The following PDZD2 variants were observed in gnomAD, a reference collection of about 807,000 sequenced individuals.
PDZD2 encodes PDZ domain containing 2.
A neutral mutation model predicts 220.7 loss-of-function variants in PDZD2; 90 were observed. The observed-to-expected ratio is 0.41, with a 90% CI of 0.34 to 0.49. The LOEUF (loss-of-function observed/expected upper bound fraction) is 0.49. Ranked by LOEUF, PDZD2 falls within the 20% of genes least tolerant of loss-of-function variation. PDZD2 has a pLI of 0.28. For synonymous variants in PDZD2, 1,375 were observed against 1,450.5 expected, an observed-to-expected ratio of 0.95 and a Z score of 1.18; for missense variants, 3,174 against 3,608.5, an observed-to-expected ratio of 0.88 and a Z score of 3.08.
In PDZD2 at chr5:31,898,808, C is replaced by CTTTTTTTTTTTTT. The variant is rs35589628; in HGVS notation, c.477-84341_477-84329dup. Among the ~76,000 whole-genome samples the CTTTTTTTTTTTTT allele has an allele frequency of 6.7e-3, 820 of 123,226 alleles. 1 individual carries two copies. The highest frequency in any genetic ancestry group is 9.9e-3 in the Middle Eastern group (2 of 202). 80.8% of individuals were successfully genotyped at this position (123,226 alleles called of 152,430 possible). Reference sequence around the variant, plus strand: ...CTTAAGGATAGATGGAGCCTCTCTTCTTTTTTTTTTTTTTTTTTGTTTTTT... The same window carrying CTTTTTTTTTTTTT: ...CTTAAGGATAGATGGAGCCTCTCTTCTTTTTTTTTTTTTTTTTTTTTTTTTTTTTTTGTTTTTT... On this transcript the variant is annotated intron_variant, in intron 2 of 24. Coordinates refer to ENST00000438447, the MANE Select transcript of PDZD2 (RefSeq NM_178140.4).
At chr5:31,690,664 C>G (rs1747082803) in intron 1 of PDZD2, among the ~76,000 whole-genome samples, 1 of 152,138 alleles carries the variant, frequency 6.6e-6, no homozygotes, top group African/African-American at 2.4e-5. Flanking sequence ...CTTTGTATCT[C>G]CATGTATCCT....
At chr5:31,787,084 G>T (rs1469325529) in intron 1 of PDZD2, among the ~76,000 whole-genome samples, 1 of 152,180 alleles carries the variant, frequency 6.6e-6, no homozygotes, top group Non-Finnish European at 1.5e-5. Context: ...TATCATGGCT[G>T]CCCGATCCAT....
At chr5:31,668,125 T>C (rs1006171691) in intron 1 of PDZD2, among the ~76,000 whole-genome samples, 3 of 152,200 alleles carry the variant, frequency 2.0e-5, no homozygotes, top group African/African-American at 7.2e-5. Context: ...CCTTCCAAAG[T>C]ACTGGGATTA....
rs1739446263 is a variant in PDZD2, at chr5:32,059,251, G to C, written c.2213G>C (p.Gly738Ala). Reference protein sequence around the residue: ...EVTLNKEPRVGLGIGACCLAL... With the variant: ...EVTLNKEPRVALGIGACCLAL... Reference sequence around the variant, plus strand: ...GTGCCTCTCACAGAGCCAAGAGTTGGATTAGGCATTGGTGCCTGCTGCTTG... The same window carrying C: ...GTGCCTCTCACAGAGCCAAGAGTTGCATTAGGCATTGGTGCCTGCTGCTTG... The change falls in exon 13 of 25, where the codon GGA (glycine) becomes GCA (alanine). Residue 738 changes from glycine to alanine, a missense_variant. Around this residue, in one of 4 missense-constraint regions of PDZD2, gnomAD observed 1,861 missense variants for 2,001.0 expected, o/e 0.93. Transcript: ENST00000438447. 1 of 1,604,200 alleles carries C rather than the reference G, an allele frequency of 6.2e-7. No individual in the cohort carries two copies. The highest frequency in any genetic ancestry group is 1.1e-5 in the South Asian group (1 of 90,838).
intron 6 of PDZD2, among the ~76,000 whole-genome samples, chr5:32,019,547 G>A (rs1004011349): frequency 2.6e-5 from 4 of 152,208 alleles, no homozygotes; most frequent in African/African-American, 9.7e-5. Context: ...TTGGGGTGTG[G>A]AAGGAAAATA....
intron 2 of PDZD2, among the ~76,000 whole-genome samples, chr5:31,943,311 C>G (rs1398185011): frequency 6.6e-6 from 1 of 151,958 alleles, no homozygotes. Context: ...TTATTCTTGG[C>G]AAGAAAACTA....
chr5:31,737,125 G>T (rs1286209492), intron 1 of PDZD2, among the ~76,000 whole-genome samples: 1 of 151,746 alleles, frequency 6.6e-6, no homozygotes, highest in Non-Finnish European at 1.5e-5. Context: ...TTAGCACTGG[G>T]GTGGATGCAG....
At chr5:31,732,858 A>G (rs1749617992) in intron 1 of PDZD2, among the ~76,000 whole-genome samples, 2 of 152,044 alleles carry the variant, frequency 1.3e-5, no homozygotes, top group Admixed American at 1.3e-4. Context: ...CCTCCTGAGG[A>G]GCTGGGATTA....
chr5:32,055,579 A>G lies in PDZD2; in HGVS notation c.1900+1696A>G, dbSNP rs150102000. On this transcript the variant is annotated intron_variant, in intron 10 of 24. Coordinates refer to ENST00000438447, the MANE Select transcript of PDZD2 (RefSeq NM_178140.4). ...TATTAATATACTTCCTTCTTGAAAT[A>G]TTTAAAGTAGAATATTTTTAGTTAT... Among the ~76,000 whole-genome samples, 248 of 152,304 alleles carry G rather than the reference A, an allele frequency of 1.6e-3. 4 individuals are homozygous for G. Among genetic ancestry groups the G allele is most frequent in the Admixed American group, 0.012 (187 of 15,288 alleles).
At chr5:32,057,603 T>C in intron 10 of PDZD2, 52 bp from the exon 11 acceptor site, 1 of 1,064,340 alleles carries the variant, frequency 9.4e-7, no homozygotes, top group South Asian at 1.3e-5. Flanking sequence ...AGCAGTTAAA[T>C]TCCAGGAAAT....
intron 1 of PDZD2, among the ~76,000 whole-genome samples, chr5:31,678,019 T>G (rs1746506271): frequency 6.6e-6 from 1 of 152,204 alleles, no homozygotes; most frequent in Non-Finnish European, 1.5e-5. Flanking sequence ...GATGGTTTCA[T>G]AGGTTAAAAG....
chr5:31,914,061 G>A (rs979096813), intron 2 of PDZD2, among the ~76,000 whole-genome samples: 2 of 152,132 alleles, frequency 1.3e-5, no homozygotes, highest in South Asian at 2.1e-4. Context: ...CAACTACAGT[G>A]TGCCCCAATG....
In PDZD2 at chr5:32,000,977, G is replaced by A. The variant is rs969021394; in HGVS notation, c.1254+706G>A. On this transcript the variant is annotated intron_variant, in intron 5 of 24. Coordinates refer to ENST00000438447, the MANE Select transcript of PDZD2 (RefSeq NM_178140.4). This position sits in a 1 kb window ranked among gnomAD's most constrained non-coding sequence, Gnocchi z 4.5. The stretch of plus-strand genomic sequence containing the variant: ...CTCCGCCTCCTGTCAGATCAGCGGC[G>A]GCACTGGACTCTCATAGGAATGCGA... 2.0e-5 allele frequency among the ~76,000 whole-genome samples: 3 copies of A among 152,208 alleles called. No individual in the cohort carries two copies. The highest frequency in any genetic ancestry group is 4.8e-5 in the African/African-American group (2 of 41,466).
At chr5:31,735,539 CT>C (rs1749807798) in intron 1 of PDZD2, among the ~76,000 whole-genome samples, 1 of 152,186 alleles carries the variant, frequency 6.6e-6, no homozygotes, top group East Asian at 1.9e-4. Context: ...TGGCTCATGC[CT>C]GTAATCCCAG....
At position 32,087,180 on chromosome 5, in the gene PDZD2, C is replaced by G. The variant is rs146669014; in HGVS notation, c.3732C>G (p.Ala1244=). The change falls in exon 20 of 25, where the codon GCC becomes GCG. Residue 1244 remains alanine, a synonymous_variant. Coordinates refer to ENST00000438447, the MANE Select transcript of PDZD2 (RefSeq NM_178140.4). This position sits in a 1 kb window ranked among gnomAD's most constrained non-coding sequence, Gnocchi z 4.0. ...TCTCTTCCCCAGGGAAGAAGGGGGC[C>G]GCTCATCCTGACCCCAGCAAGACCT... The part of the protein sequence containing the change: ...DLISSPGKKG[A]AHPDPSKTSV... 2 of 1,613,656 alleles carry G rather than the reference C, an allele frequency of 1.2e-6. No individual in the cohort carries two copies. Among genetic ancestry groups the G allele is most frequent in the East Asian group, 2.2e-5 (1 of 44,878 alleles).
intron 2 of PDZD2, among the ~76,000 whole-genome samples, chr5:31,932,215 A>G (rs576334750): frequency 1.3e-5 from 2 of 152,310 alleles, no homozygotes; most frequent in South Asian, 4.1e-4. Flanking sequence ...CATCAAGCAT[A>G]TGAAGCATGA....
At chr5:31,748,943 C>T (rs1007664890) in intron 1 of PDZD2, among the ~76,000 whole-genome samples, 19 of 152,160 alleles carry the variant, frequency 1.2e-4, no homozygotes, top group East Asian at 1.9e-4. Context: ...AGCACTGGTC[C>T]TCCAGAGCAC....
In PDZD2 at chr5:32,041,944, G is replaced by A. The variant is rs566892975; in HGVS notation, c.1519+4602G>A. On this transcript the variant is annotated intron_variant, in intron 7 of 24. Transcript: ENST00000438447. ...AAAAAAAACATCAATTGCCGGGCTC[G>A]GTGGCTCACGCCTGTAATCCCAGCA... 8.4e-4 allele frequency among the ~76,000 whole-genome samples: 125 copies of A among 149,158 alleles called. 4 individuals are homozygous for A. The South Asian group carries it at 0.024, about 29-fold the overall frequency.
At chr5:31,832,842 T>G (rs1756698385) in intron 2 of PDZD2, among the ~76,000 whole-genome samples, 1 of 152,108 alleles carries the variant, frequency 6.6e-6, no homozygotes, top group Non-Finnish European at 1.5e-5. Flanking sequence ...GTCAATTTTA[T>G]TTTATGTATA....
Sources: gnomAD v4.1 joint callset for allele counts (sites outside exome capture counted in the v4.1 genomes callset) on GRCh38, gnomAD v4.1.1 for gene constraint, gnomAD v4.1.1 regional missense constraint, Gnocchi (gnomAD v3.1) non-coding constraint, MANE v1.5 for transcripts, NCBI Gene and HGNC (gene_info 2026-07-23, HGNC 2026-07-21) for gene names.